Variants in AKAP6 observed in about 807,000 individuals in gnomAD.
AKAP6 encodes A-kinase anchor protein 6.
AKAP6 carries 58 observed loss-of-function variants against 188.5 expected under a neutral mutation model. The observed-to-expected ratio is 0.31, with a 90% CI of 0.25 to 0.38. The LOEUF (loss-of-function observed/expected upper bound fraction) is 0.38. AKAP6 is among the 10% of genes least tolerant of loss of function. The probability of loss-of-function intolerance (pLI) is 1.00; values close to 1 mark genes in which losing one functional copy is unlikely to be tolerated. For synonymous variants in AKAP6, 989 were observed against 998.6 expected (o/e 0.99, Z 0.18); for missense variants, 2,710 against 2,740.0 (o/e 0.99, Z 0.24).
chr14:32,809,755 G>A (rs1303120528), intron 12 of AKAP6, among the ~76,000 whole-genome samples: 3 of 152,180 alleles, frequency 2.0e-5, no homozygotes, highest in African/African-American at 7.2e-5. Context: ...GTCAGCTTAG[G>A]ATGGAAACTA....
chr14:32,728,294 C>A (rs976997814), intron 9 of AKAP6, among the ~76,000 whole-genome samples: 1 of 129,074 alleles, frequency 7.7e-6, no homozygotes, highest in Non-Finnish European at 1.6e-5. Flanking sequence ...ATGTTCCTAG[C>A]ATTTGCTTTC....
At chr14:32,525,854 T>C (rs1209636427) in intron 2 of AKAP6, among the ~76,000 whole-genome samples, 1 of 152,092 alleles carries the variant, frequency 6.6e-6, no homozygotes, top group Non-Finnish European at 1.5e-5. Context: ...AAAGATACAG[T>C]CTAGTTAGGG....
intron 4 of AKAP6, among the ~76,000 whole-genome samples, chr14:32,565,053 C>T (rs1267428318): frequency 1.3e-5 from 2 of 152,128 alleles, no homozygotes; most frequent in Non-Finnish European, 2.9e-5. Context: ...GCATTGCATT[C>T]TTGGGCCTCA....
chr14:32,577,938 G>A (rs1297543887), intron 5 of AKAP6, among the ~76,000 whole-genome samples: 3 of 152,102 alleles, frequency 2.0e-5, no homozygotes, highest in Admixed American at 6.6e-5. Flanking sequence ...ACTAAGTAGT[G>A]GAGTGTGATA....
intron 7 of AKAP6, among the ~76,000 whole-genome samples, chr14:32,641,404 G>A (rs1887748551): frequency 1.3e-5 from 2 of 149,798 alleles, no homozygotes; most frequent in South Asian, 2.1e-4. Context: ...TTGAGAGGCC[G>A]AGATGGGAGG....
At chr14:32,637,715 G>T (rs1201428076) in intron 7 of AKAP6, among the ~76,000 whole-genome samples, 1 of 152,022 alleles carries the variant, frequency 6.6e-6, no homozygotes, top group African/African-American at 2.4e-5. Context: ...CATTAACAAT[G>T]AGATGAGGGT....
At chr14:32,817,853 G>A (rs985047470) in intron 12 of AKAP6, among the ~76,000 whole-genome samples, 1 of 152,158 alleles carries the variant, frequency 6.6e-6, no homozygotes, top group African/African-American at 2.4e-5. Flanking sequence ...TATCATCAAA[G>A]AGAGCATTCA....
intron 2 of AKAP6, among the ~76,000 whole-genome samples, chr14:32,493,009 A>G (rs141190390): frequency 3.8e-4 from 58 of 152,274 alleles, no homozygotes; most frequent in Middle Eastern, 3.4e-3. Context: ...TATTATCACA[A>G]ATGGAAGAAC....
At chr14:32,448,311 G>T (rs1427418428) in intron 2 of AKAP6, among the ~76,000 whole-genome samples, 1 of 152,184 alleles carries the variant, frequency 6.6e-6, no homozygotes, top group East Asian at 1.9e-4. Flanking sequence ...TTGTTGCCAA[G>T]TTTGTGGCCT....
Position 32,735,809 on chromosome 14 carries a change from T to G in AKAP6, c.3299T>G (p.Phe1100Cys), listed in dbSNP as rs1465973108. 5 of 1,613,476 alleles carry G rather than the reference T, an allele frequency of 3.1e-6. No homozygotes were observed. Among genetic ancestry groups the G allele is most frequent in the Non-Finnish European group, 8.5e-7 (1 of 1,179,676 alleles). ...GGATGGCTAAGAGATACAGAGCTTT[T>G]CATCTTCAATTCCTGTCTGAGACAA... Reference protein sequence around the residue: ...LKGWLRDTELFIFNSCLRQEK... With the variant: ...LKGWLRDTELCIFNSCLRQEK... Residue 1100 changes from phenylalanine to cysteine, a missense_variant, in exon 11 of 14, where the codon TTC becomes TGC. This residue lies in a region of AKAP6 where 2,473 missense variants were observed against 2,426.1 expected (regional missense o/e 1.02). Coordinates refer to ENST00000280979, the MANE Select transcript of AKAP6 (RefSeq NM_004274.5).
chr14:32,415,418 A>G (rs1889625659), intron 1 of AKAP6, among the ~76,000 whole-genome samples: 1 of 152,152 alleles, frequency 6.6e-6, no homozygotes, highest in South Asian at 2.1e-4. Flanking sequence ...CTTAGTTTAT[A>G]TGTTTTAGAT....
chr14:32,546,866 A>T lies in AKAP6; in HGVS notation c.2213A>T (p.Asp738Val), dbSNP rs1229861442. 1 of 1,614,116 alleles carries T rather than the reference A, an allele frequency of 6.2e-7. No homozygotes were observed. The highest frequency in any genetic ancestry group is 8.5e-7 in the Non-Finnish European group (1 of 1,180,004). Residue 738 changes from aspartate (D) to valine (V), a missense_variant, in exon 4 of 14, where the codon GAT (aspartate) becomes GTT (valine). Physicochemically the swap from Asp to Val is radical, Grantham distance 152. Around this residue, in one of 2 missense-constraint regions of AKAP6, gnomAD observed 2,473 missense variants for 2,426.1 expected, o/e 1.02. Coordinates refer to ENST00000280979, the MANE Select transcript of AKAP6 (RefSeq NM_004274.5). ...MPLAGMKKYA[D>V]EKSERASSSE... is the part of the protein sequence containing the mutation. ...CTCGCTGGCATGAAAAAGTATGCTGATGAGAAGTCAGAAAGAGCTTCATCC... is the reference window on the plus strand; with the variant it reads ...CTCGCTGGCATGAAAAAGTATGCTGTTGAGAAGTCAGAAAGAGCTTCATCC...
intron 4 of AKAP6, among the ~76,000 whole-genome samples, chr14:32,574,778 C>A (rs1884647838): frequency 6.6e-6 from 1 of 152,182 alleles, no homozygotes; most frequent in African/African-American, 2.4e-5. Flanking sequence ...GTACTATTTT[C>A]ATCTCCCATT....
intron 8 of AKAP6, chr14:32,693,771 CT>C (rs1373180403): frequency 6.6e-6 from 1 of 152,104 alleles, no homozygotes; most frequent in Non-Finnish European, 1.5e-5. Flanking sequence ...ATCAGATACT[CT>C]TCTAATTTTG....
intron 8 of AKAP6, among the ~76,000 whole-genome samples, chr14:32,692,849 A>C (rs922939130): frequency 1.3e-5 from 2 of 152,120 alleles, no homozygotes; most frequent in African/African-American, 4.8e-5. Flanking sequence ...TTGCCAATTG[A>C]TCATTTTTAT....
chr14:32,715,497 G>C (rs970032397), intron 9 of AKAP6, among the ~76,000 whole-genome samples: 1 of 151,988 alleles, frequency 6.6e-6, no homozygotes, highest in Non-Finnish European at 1.5e-5. Flanking sequence ...TATGTGGTAT[G>C]AAAAATAAGT....
At chr14:32,697,441 T>C (rs546699821) in intron 9 of AKAP6, among the ~76,000 whole-genome samples, 24 of 152,138 alleles carry the variant, frequency 1.6e-4, no homozygotes, top group Non-Finnish European at 1.9e-4. Flanking sequence ...ACAGTAACAG[T>C]CTCAACCTAA....
chr14:32,404,579 G>A (rs1298946324), intron 1 of AKAP6, among the ~76,000 whole-genome samples: 1 of 150,322 alleles, frequency 6.7e-6, no homozygotes. Context: ...CCATTTCCAT[G>A]ATCCTCAGAG....
At chr14:32,523,503 C>G (rs901224332) in intron 2 of AKAP6, among the ~76,000 whole-genome samples, 30 of 145,606 alleles carry the variant, frequency 2.1e-4, no homozygotes, top group African/African-American at 6.7e-4. Flanking sequence ...GGGTCTGATT[C>G]TGTCGCCCAG....
Sources: gnomAD v4.1 joint callset for allele counts (sites outside exome capture counted in the v4.1 genomes callset) on GRCh38, gnomAD v4.1.1 for gene constraint, gnomAD v4.1.1 regional missense constraint, MANE v1.5 for transcripts, NCBI Gene and HGNC (gene_info 2026-07-23, HGNC 2026-07-21) for gene names.